The following DYSF variants were observed in gnomAD, a reference collection of about 807,000 sequenced individuals.
DYSF encodes dysferlin.
Under a neutral mutation model 274.9 loss-of-function variants are expected in DYSF, and 212 were observed. The ratio of observed to expected loss-of-function variants is 0.77; its 90% CI spans 0.69 to 0.86. The LOEUF (loss-of-function observed/expected upper bound fraction) is 0.86, where lower values mean the gene tolerates loss of function less well. DYSF is among the 40% of genes least tolerant of loss of function. The pLI, the probability that DYSF is intolerant of heterozygous loss-of-function variation, is 0.00. For missense variants in DYSF, 2,666 were observed against 2,783.2 expected, an observed-to-expected ratio of 0.96 and a Z score of 0.95; for synonymous variants, 1,091 against 1,078.7, an observed-to-expected ratio of 1.01 and a Z score of -0.22.
chr2:71,682,663 A>G lies in DYSF; in HGVS notation c.6307A>G (p.Ile2103Val), dbSNP rs1325001762. 1 of 1,613,962 alleles carries G rather than the reference A, an allele frequency of 6.2e-7. No homozygotes were observed. The highest frequency in any genetic ancestry group is 8.5e-7 in the Non-Finnish European group (1 of 1,179,960). The change falls in exon 55 of 56, where the codon ATC becomes GTC. Residue 2103 changes from isoleucine (I) to valine (V), a missense_variant. Transcript: ENST00000410020. The stretch of plus-strand genomic sequence containing the variant: ...CCTGCTGCTGTTCCTGGCCATCTTC[A>G]TCTACGCCTTCCCGGTGAGCAGGCC... ...FILLLFLAIF[I>V]YAFPNYAAMK...
chr2:71,678,981 C>T, intron 52 of DYSF, 76 bp from the exon 53 acceptor site: 1 of 1,418,934 alleles, frequency 7.0e-7, no homozygotes, highest in Middle Eastern at 2.3e-4. Context: ...TTTTCCTGAA[C>T]CTGCCCTGCC....
At chr2:71,472,564 G>C (rs748231713) in intron 1 of DYSF, among the ~76,000 whole-genome samples, 4 of 152,060 alleles carry the variant, frequency 2.6e-5, no homozygotes, top group Non-Finnish European at 1.5e-5. Flanking sequence ...CCACCACCAC[G>C]CCAGGCTAAT....
chr2:71,620,415 C>G, intron 40 of DYSF, 132 bp from the exon 41 acceptor site: 8 of 984,410 alleles, frequency 8.1e-6, no homozygotes, highest in Non-Finnish European at 1.3e-5. Flanking sequence ...TTGTCCAACT[C>G]CAAAGCACAT....
At position 71,669,098 on chromosome 2, in the gene DYSF, A is replaced by T. The variant is rs2152955887; in HGVS notation, c.5547-14A>T. The T allele has an allele frequency of 6.3e-6, 10 of 1,578,450 alleles. No homozygotes were observed. Among genetic ancestry groups the T allele is most frequent in the Non-Finnish European group, 7.8e-6 (9 of 1,159,472 alleles). On this transcript the variant is annotated splice_polypyrimidine_tract_variant and intron_variant, in intron 49 of 55. Coordinates refer to ENST00000410020, the MANE Select transcript of DYSF (RefSeq NM_001130987.2). ...TAGGAAATCTAGGTGGATTAGAGTG[A>T]TACCTTTCCCCAGGTTTTTCCTGCG...
At chr2:71,456,948 AGAGTAGGGG>A (rs1020448365) in intron 1 of DYSF, among the ~76,000 whole-genome samples, 4 of 152,172 alleles carry the variant, frequency 2.6e-5, no homozygotes, top group Non-Finnish European at 5.9e-5. Flanking sequence ...AAGCTGAGTC[AGAGTAGGGG>A]GAGTGCAGGG....
chr2:71,543,598 A>G (rs1559119518), intron 17 of DYSF, among the ~76,000 whole-genome samples: 1 of 152,226 alleles, frequency 6.6e-6, no homozygotes, highest in Non-Finnish European at 1.5e-5. Context: ...ACGAGACTCC[A>G]TCTGCAATCC....
At chr2:71,505,310 C>T (rs540024418) in intron 4 of DYSF, among the ~76,000 whole-genome samples, 1 of 152,214 alleles carries the variant, frequency 6.6e-6, no homozygotes, top group East Asian at 1.9e-4. Flanking sequence ...CAGCCAACAA[C>T]ATTGAGGGTT....
chr2:71,516,519 G>GC (rs1269716284), intron 9 of DYSF, among the ~76,000 whole-genome samples: 1 of 152,228 alleles, frequency 6.6e-6, no homozygotes, highest in African/African-American at 2.4e-5. Flanking sequence ...CTGCGGGAGA[G>GC]CCCACTGCTC....
chr2:71,612,268 T>A (rs1462889333), intron 38 of DYSF, among the ~76,000 whole-genome samples: 1 of 152,180 alleles, frequency 6.6e-6, no homozygotes, highest in Non-Finnish European at 1.5e-5. Flanking sequence ...GGGAAGAATC[T>A]GGGTCTGTAA....
chr2:71,455,542 G>A (rs888020561), intron 1 of DYSF, among the ~76,000 whole-genome samples: 7 of 152,146 alleles, frequency 4.6e-5, no homozygotes, highest in African/African-American at 1.7e-4. Flanking sequence ...CTTCCTCTCC[G>A]CATCCTCAGC....
At chr2:71,539,133 G>A (rs968156116) in intron 16 of DYSF, 24 bp from the exon 17 acceptor site, 52 of 1,609,060 alleles carry the variant, frequency 3.2e-5, no homozygotes, top group African/African-American at 4.0e-5. Flanking sequence ...CTGTGTTCAG[G>A]CCCTCTCTGC....
chr2:71,456,752 G>T (rs922728356), intron 1 of DYSF, among the ~76,000 whole-genome samples: 1 of 152,084 alleles, frequency 6.6e-6, no homozygotes, highest in African/African-American at 2.4e-5. Context: ...CCTGGCCAAG[G>T]TCACATAGTG....
chr2:71,656,838 C>T (rs889912478), intron 43 of DYSF, among the ~76,000 whole-genome samples: 16 of 152,164 alleles, frequency 1.1e-4, no homozygotes, highest in Non-Finnish European at 1.3e-4. Context: ...TCCTGGGTCC[C>T]TCCCCCAACA....
intron 52 of DYSF, among the ~76,000 whole-genome samples, chr2:71,677,692 G>A (rs759764752): frequency 7.1e-5 from 7 of 99,074 alleles, no homozygotes; most frequent in Non-Finnish European, 1.5e-4. Flanking sequence ...AATATAGCAA[G>A]TGTTTTGAGG....
intron 54 of DYSF, among the ~76,000 whole-genome samples, chr2:71,682,003 C>A (rs772536496): frequency 1.3e-5 from 2 of 152,182 alleles, no homozygotes; most frequent in Non-Finnish European, 2.9e-5. Flanking sequence ...GAATCCTCCA[C>A]GTATTTTGAG....
In DYSF at chr2:71,551,590, C is replaced by G; in HGVS notation, c.1693-17C>G. 6.3e-7 allele frequency: 1 copy of G among 1,593,512 alleles called. No homozygotes were observed. Among genetic ancestry groups the G allele is most frequent in the Non-Finnish European group, 8.5e-7 (1 of 1,171,490 alleles). On this transcript the variant is annotated splice_polypyrimidine_tract_variant and intron_variant, in intron 18 of 55. Coordinates refer to ENST00000410020, the MANE Select transcript of DYSF (RefSeq NM_001130987.2). ...CCTCTGTCTCCCCTGCTCCTTGTGACCTGACCTCCCTGGCAGGGGGAAGGT... is the reference window on the plus strand; with the variant it reads ...CCTCTGTCTCCCCTGCTCCTTGTGAGCTGACCTCCCTGGCAGGGGGAAGGT...
intron 4 of DYSF, among the ~76,000 whole-genome samples, chr2:71,509,541 TCA>T (rs146002275): frequency 0.03 from 4,620 of 152,312 alleles, 101 homozygotes; most frequent in Middle Eastern, 0.048. Context: ...AGTGATATTC[TCA>T]GTTATTTTTC....
chr2:71,683,526 T>C (rs948716275), intron 55 of DYSF, among the ~76,000 whole-genome samples: 1 of 152,254 alleles, frequency 6.6e-6, no homozygotes, highest in African/African-American at 2.4e-5. Context: ...AAAGAAATCT[T>C]TTTAATATGA....
chr2:71,591,897 T>C (rs911435861), intron 32 of DYSF, among the ~76,000 whole-genome samples: 3 of 152,232 alleles, frequency 2.0e-5, no homozygotes, highest in Admixed American at 6.5e-5. Flanking sequence ...CCGTTTTGCT[T>C]TGGGGCCAGG....
Sources: allele counts gnomAD v4.1 joint callset (sites outside exome capture counted in the v4.1 genomes callset), GRCh38; gene constraint gnomAD v4.1.1; transcripts MANE v1.5; gene names NCBI Gene and HGNC (gene_info 2026-07-23, HGNC 2026-07-21).